The following AEBP2 variants were observed in gnomAD, a reference collection of about 807,000 sequenced individuals.
AEBP2 encodes AE binding protein 2, also known as zinc finger protein AEBP2.
A neutral mutation model predicts 50.8 loss-of-function variants in AEBP2; 10 were observed. The observed-to-expected ratio is 0.20, with a 90% CI of 0.12 to 0.33. The LOEUF (loss-of-function observed/expected upper bound fraction) is 0.33. AEBP2 is among the 10% of genes least tolerant of loss of function. The probability of loss-of-function intolerance (pLI) is 1.00; values close to 1 mark genes in which losing one functional copy is unlikely to be tolerated. For missense variants in AEBP2, 570 were observed against 688.0 expected (o/e 0.83, Z 1.92); for synonymous variants, 296 against 261.3 (o/e 1.13, Z -1.28).
intron 3 of AEBP2, among the ~76,000 whole-genome samples, chr12:19,489,320 G>T (rs954287571): frequency 4.6e-5 from 7 of 152,224 alleles, no homozygotes; most frequent in African/African-American, 1.7e-4. Flanking sequence ...CAAGGTGGTG[G>T]CAGAGAGAGT....
intron 2 of AEBP2, among the ~76,000 whole-genome samples, chr12:19,468,125 T>TC (rs1565717865): frequency 1.6e-5 from 2 of 126,660 alleles, no homozygotes; most frequent in African/African-American, 3.8e-5. Context: ...TCTGCCTGAC[T>TC]TTGTGTGTGT....
At chr12:19,440,492 CA>C in intron 1 of AEBP2, 122 bp downstream of exon 1, 6 of 1,411,740 alleles carry the variant, frequency 4.3e-6, no homozygotes, top group Non-Finnish European at 4.6e-6. Flanking sequence ...GCCCCTCCCC[CA>C]GACTCTCAAC....
At chr12:19,473,923 G>A (rs1444296956) in intron 3 of AEBP2, among the ~76,000 whole-genome samples, 1 of 152,110 alleles carries the variant, frequency 6.6e-6, no homozygotes, top group Admixed American at 6.6e-5. Context: ...AAAATAGCTA[G>A]TGGGTAGACT....
intron 1 of AEBP2, chr12:19,456,552 A>G (rs1247829867): frequency 7.2e-6 from 11 of 1,536,086 alleles, no homozygotes; most frequent in East Asian, 4.5e-5. Context: ...GTGGCAATCC[A>G]GTACAGGGGC....
At chr12:19,444,806 A>G (rs1948029991) in intron 1 of AEBP2, among the ~76,000 whole-genome samples, 1 of 152,194 alleles carries the variant, frequency 6.6e-6, no homozygotes, top group Non-Finnish European at 1.5e-5. Flanking sequence ...GTATCTTTGT[A>G]AGTACCTAAC....
intron 1 of AEBP2, chr12:19,456,464 G>T: frequency 6.9e-7 from 1 of 1,458,294 alleles, no homozygotes; most frequent in Non-Finnish European, 9.6e-7. Context: ...AGAAGTTAGG[G>T]CCATCTTCCA....
chr12:19,414,883 A>C lies in AEBP2; in HGVS notation c.-17+10667A>C, dbSNP rs536757718. Among the ~76,000 whole-genome samples, 40 of 151,644 alleles carry C rather than the reference A, an allele frequency of 2.6e-4. 1 individual carries two copies. Among genetic ancestry groups the C allele is most frequent in the African/African-American group, 9.2e-4 (38 of 41,336 alleles). On this transcript the variant is annotated intron_variant, in intron 1 of 3. Coordinates refer to the AEBP2 transcript ENST00000538425. Reference sequence around the variant, plus strand: ...GGTTTTAGTGAGCCGAGATTGTGCCACTGCACTCCAGCTTGGGCAACAGAA... The same window carrying C: ...GGTTTTAGTGAGCCGAGATTGTGCCCCTGCACTCCAGCTTGGGCAACAGAA...
chr12:19,454,449 G>A (rs1052836073), intron 1 of AEBP2, among the ~76,000 whole-genome samples: 1 of 152,058 alleles, frequency 6.6e-6, no homozygotes, highest in African/African-American at 2.4e-5. Flanking sequence ...AAGGTATAAG[G>A]TATACGATTT....
chr12:19,510,039 G>A (rs553843347), intron 5 of AEBP2, among the ~76,000 whole-genome samples: 1 of 152,006 alleles, frequency 6.6e-6, no homozygotes, highest in South Asian at 2.1e-4. Flanking sequence ...CACCATGTTG[G>A]CCAGGCTGGT....
intron 3 of AEBP2, among the ~76,000 whole-genome samples, chr12:19,485,861 CAG>C (rs1039948521): frequency 1.0e-4 from 15 of 150,526 alleles, no homozygotes; most frequent in African/African-American, 1.5e-4. Context: ...TAAATTATAA[CAG>C]GGGCTGGGAA....
chr12:19,503,037 C>T (rs1949106119), intron 5 of AEBP2, among the ~76,000 whole-genome samples: 1 of 152,134 alleles, frequency 6.6e-6, no homozygotes. Context: ...GTGTCTCTGG[C>T]TTTGTTCTTT....
intron 3 of AEBP2, among the ~76,000 whole-genome samples, chr12:19,474,352 G>T (rs2153372547): frequency 6.6e-6 from 1 of 152,266 alleles, no homozygotes; most frequent in South Asian, 2.1e-4. Context: ...TATTTCCCTT[G>T]GGTTTTGTAG....
chr12:19,415,351 A>ATATG (rs1224771921), intron 1 of AEBP2, among the ~76,000 whole-genome samples: 1 of 20,162 alleles, frequency 5.0e-5, no homozygotes, highest in East Asian at 1.0e-3. Context: ...AAAAAAAAAA[A>ATATG]TATATATATA....
chr12:19,405,567 G>C (rs147776440), intron 1 of AEBP2, among the ~76,000 whole-genome samples: 1 of 151,822 alleles, frequency 6.6e-6, no homozygotes, highest in Non-Finnish European at 1.5e-5. Flanking sequence ...CTCGTGATCC[G>C]CCCACCTCAC....
chr12:19,442,328 A>C (rs1454562288), intron 1 of AEBP2, among the ~76,000 whole-genome samples: 1 of 152,140 alleles, frequency 6.6e-6, no homozygotes, highest in African/African-American at 2.4e-5. Flanking sequence ...GAATCGCTTG[A>C]ACCCGGGAGG....
rs1372150959 is a variant in AEBP2, at chr12:19,425,935, G to T, written c.-17+21719G>T. ...TTGATTCCCAAGCTGTCCTATGGTG[G>T]GATTTCTGTTTTTCTTTTTGAGACA... On this transcript the variant is annotated intron_variant, in intron 1 of 3. Transcript: ENST00000538425. 3.3e-5 allele frequency among the ~76,000 whole-genome samples: 5 copies of T among 151,950 alleles called. No individual in the cohort carries two copies. The East Asian group carries it at 9.7e-4, about 29-fold the overall frequency.
chr12:19,467,297 C>T (rs1043413773), intron 2 of AEBP2, among the ~76,000 whole-genome samples: 2 of 152,020 alleles, frequency 1.3e-5, no homozygotes, highest in Non-Finnish European at 2.9e-5. Flanking sequence ...TCAAACCTAT[C>T]TCTAGTGTTA....
intron 1 of AEBP2, among the ~76,000 whole-genome samples, chr12:19,427,994 T>C (rs1319498809): frequency 1.3e-5 from 2 of 152,058 alleles, no homozygotes; most frequent in Non-Finnish European, 1.5e-5. Context: ...CCCAGCACTT[T>C]TAGAGGCTGA....
intron 5 of AEBP2, among the ~76,000 whole-genome samples, chr12:19,501,650 T>A (rs200695845): frequency 1.6e-3 from 51 of 31,638 alleles, no homozygotes; most frequent in South Asian, 3.0e-3. Context: ...AAAAAAAAAT[T>A]ATATATACAC....
Sources: gnomAD v4.1 joint callset for allele counts (sites outside exome capture counted in the v4.1 genomes callset) on GRCh38, gnomAD v4.1.1 for gene constraint, MANE v1.5 for transcripts, NCBI Gene and HGNC (gene_info 2026-07-23, HGNC 2026-07-21) for gene names.